Variants in PCMTD1 observed in about 807,000 individuals in gnomAD.
PCMTD1 encodes protein-L-isoaspartate O-methyltransferase domain-containing protein 1.
PCMTD1 carries 12 observed loss-of-function variants against 37.6 expected under a neutral mutation model. That is an observed-to-expected ratio of 0.32 (90% CI 0.20 to 0.52). PCMTD1 has a LOEUF of 0.52. Among genes scored for constraint, PCMTD1 ranks in the 20% least tolerant of loss-of-function variants. The probability of loss-of-function intolerance (pLI) is 0.97; values close to 1 mark genes in which losing one functional copy is unlikely to be tolerated. For synonymous variants in PCMTD1, 117 were observed against 135.8 expected (o/e 0.86, Z 0.96); for missense variants, 235 against 421.3 (o/e 0.56, Z 3.87).
intron 1 of PCMTD1, among the ~76,000 whole-genome samples, chr8:51,867,813 A>G (rs1177358042): frequency 3.3e-5 from 5 of 151,988 alleles, no homozygotes; most frequent in Non-Finnish European, 7.4e-5. Flanking sequence ...AGGCTGGGGC[A>G]GGAGGGTAGA....
At chr8:51,839,649 A>T (rs951859251) in intron 3 of PCMTD1, 1 of 984,458 alleles carries the variant, frequency 1.0e-6, no homozygotes, top group African/African-American at 1.7e-5. Context: ...CTGAGAGTAG[A>T]AAAAACAACA....
chr8:51,860,634 T>TA, intron 2 of PCMTD1: 1 of 475,874 alleles, frequency 2.1e-6, no homozygotes. Context: ...AGAGAACAGT[T>TA]AGTTTCCAGA....
At chr8:51,848,407 T>C (rs1388543018) in intron 2 of PCMTD1, among the ~76,000 whole-genome samples, 1 of 151,998 alleles carries the variant, frequency 6.6e-6, no homozygotes, top group African/African-American at 2.4e-5. Flanking sequence ...CTGCTGGCAC[T>C]CCATGTTTCC....
At chr8:51,889,263 C>T (rs550663630) in intron 1 of PCMTD1, among the ~76,000 whole-genome samples, 3 of 152,244 alleles carry the variant, frequency 2.0e-5, no homozygotes, top group South Asian at 2.1e-4. Context: ...AAGTAGTATA[C>T]GACTCACAAA....
chr8:51,828,409 C>T (rs1350979491), intron 5 of PCMTD1, among the ~76,000 whole-genome samples: 8 of 152,074 alleles, frequency 5.3e-5, no homozygotes, highest in Non-Finnish European at 1.5e-5. Context: ...ATAAATAGTA[C>T]TAATATAGCA....
At chr8:51,880,306 G>A (rs1438581046) in intron 1 of PCMTD1, among the ~76,000 whole-genome samples, 1 of 151,922 alleles carries the variant, frequency 6.6e-6, no homozygotes, top group East Asian at 1.9e-4. Flanking sequence ...CAACCTCAGT[G>A]GCAATTAAAA....
At chr8:51,877,781 T>C (rs986582465) in intron 1 of PCMTD1, among the ~76,000 whole-genome samples, 2 of 152,202 alleles carry the variant, frequency 1.3e-5, no homozygotes. Context: ...GGACACATTA[T>C]TGAAAACAAG....
intron 1 of PCMTD1, among the ~76,000 whole-genome samples, chr8:51,890,623 T>A (rs984251079): frequency 3.3e-5 from 5 of 152,134 alleles, no homozygotes; most frequent in African/African-American, 7.2e-5. Flanking sequence ...TGATACATAA[T>A]CAGAACAAAA....
At chr8:51,883,690 C>T (rs1463780809) in intron 1 of PCMTD1, among the ~76,000 whole-genome samples, 1 of 152,112 alleles carries the variant, frequency 6.6e-6, no homozygotes, top group African/African-American at 2.4e-5. Flanking sequence ...ATGTACAGAC[C>T]TAGGCTAGCA....
chr8:51,872,990 T>C (rs1470302872), intron 1 of PCMTD1, among the ~76,000 whole-genome samples: 2 of 152,218 alleles, frequency 1.3e-5, no homozygotes, highest in African/African-American at 2.4e-5. Context: ...TATTTACTTA[T>C]TTACAAAGAC....
chr8:51,878,856 G>C (rs1320812906), intron 1 of PCMTD1, among the ~76,000 whole-genome samples: 4 of 149,322 alleles, frequency 2.7e-5, no homozygotes, highest in Admixed American at 2.0e-4. Context: ...CTATGAGTAA[G>C]GCTCATGCCT....
intron 1 of PCMTD1, among the ~76,000 whole-genome samples, chr8:51,866,866 AAAAAC>A (rs769952873): frequency 4.5e-4 from 68 of 152,148 alleles, no homozygotes; most frequent in Non-Finnish European, 7.5e-4. Flanking sequence ...CATATATTGA[AAAAAC>A]AAAACAAAAC....
chr8:51,877,139 G>T (rs2038723931), intron 1 of PCMTD1, among the ~76,000 whole-genome samples: 1 of 152,164 alleles, frequency 6.6e-6, no homozygotes, highest in African/African-American at 2.4e-5. Flanking sequence ...TTTTTAGCAA[G>T]GTCATTTTTT....
intron 5 of PCMTD1, among the ~76,000 whole-genome samples, chr8:51,826,720 C>A: frequency 6.6e-6 from 1 of 151,976 alleles, no homozygotes; most frequent in East Asian, 1.9e-4. Context: ...ATTTGGGGGT[C>A]TTTTATGACC....
chr8:51,842,025 T>C (rs1323092406), intron 3 of PCMTD1, among the ~76,000 whole-genome samples: 2 of 104,146 alleles, frequency 1.9e-5, no homozygotes, highest in East Asian at 2.6e-4. Context: ...AAAGATTTAC[T>C]AACTGGGATT....
intron 1 of PCMTD1, among the ~76,000 whole-genome samples, chr8:51,893,817 C>G (rs983531581): frequency 3.3e-5 from 5 of 152,122 alleles, no homozygotes; most frequent in African/African-American, 7.2e-5. Context: ...GTGTGTGTGA[C>G]AGAGAGAGAG....
chr8:51,889,111 A>C (rs1173519326), intron 1 of PCMTD1, among the ~76,000 whole-genome samples: 2 of 152,110 alleles, frequency 1.3e-5, no homozygotes, highest in African/African-American at 4.8e-5. Context: ...TGTTATTGTT[A>C]ACTCCTCACT....
At chr8:51,824,161 ACT>A (rs931225192) in intron 5 of PCMTD1, among the ~76,000 whole-genome samples, 65 of 152,216 alleles carry the variant, frequency 4.3e-4, no homozygotes, top group African/African-American at 1.3e-3. Flanking sequence ...CTCTCTCACC[ACT>A]CCTATTCAAC....
At chr8:51,838,067 G>A (rs973676468) in intron 3 of PCMTD1, among the ~76,000 whole-genome samples, 8 of 152,278 alleles carry the variant, frequency 5.3e-5, no homozygotes, top group East Asian at 1.9e-4. Flanking sequence ...AATTACAGGC[G>A]TGAGCCACCA....
Sources: gnomAD v4.1 joint callset for allele counts (sites outside exome capture counted in the v4.1 genomes callset) on GRCh38, gnomAD v4.1.1 for gene constraint, MANE v1.5 for transcripts, NCBI Gene and HGNC (gene_info 2026-07-23, HGNC 2026-07-21) for gene names.